C9: variants seen among roughly 807,000 people sequenced by gnomAD.
C9 encodes the protein complement C9.
A neutral mutation model predicts 65.4 loss-of-function variants in C9; 63 were observed. That is an observed-to-expected ratio of 0.96 (90% CI 0.79 to 1.19). The LOEUF (loss-of-function observed/expected upper bound fraction) is 1.19, where lower values mean the gene tolerates loss of function less well. C9 is among the 50% of genes most tolerant of loss of function. The pLI, the probability that C9 is intolerant of heterozygous loss-of-function variation, is 0.00. For missense variants in C9, 744 were observed against 670.1 expected, an observed-to-expected ratio of 1.11 and a Z score of -1.22; for synonymous variants, 229 against 227.9, an observed-to-expected ratio of 1.00 and a Z score of -0.04.
Position 39,311,342 on chromosome 5 carries a change from A to T in C9, c.906T>A (p.His302Gln), listed in dbSNP as rs1434119923. The change falls in exon 7 of 11, where the codon CAT becomes CAA. Residue 302 changes from histidine (H) to glutamine (Q), a missense_variant. Physicochemically the swap from His to Gln is conservative, Grantham distance 24. Coordinates refer to ENST00000263408, the MANE Select transcript of C9 (RefSeq NM_001737.5). ...KMFLHVKGEI[H>Q]LGRFVMRNRD... ...GATTTCTCATTACAAATCTTCCCAG[A>T]TGAATTTCTCCTTTCACATGCAGAA... is the stretch of plus-strand genomic sequence containing the variant. The T allele has an allele frequency of 6.2e-7, 1 of 1,612,768 alleles. No homozygotes were observed. Among genetic ancestry groups the T allele is most frequent in the Non-Finnish European group, 8.5e-7 (1 of 1,178,988 alleles).
At chr5:39,334,635 C>A (rs1341662483) in intron 4 of C9, among the ~76,000 whole-genome samples, 1 of 151,324 alleles carries the variant, frequency 6.6e-6, no homozygotes, top group African/African-American at 2.5e-5. Flanking sequence ...GCCTGGCCAC[C>A]CCTACTGGGA....
chr5:39,310,326 C>A (rs1753458158), intron 7 of C9, among the ~76,000 whole-genome samples: 1 of 152,090 alleles, frequency 6.6e-6, no homozygotes, highest in Non-Finnish European at 1.5e-5. Flanking sequence ...GTTACAAGGG[C>A]AGAGAGGAAG....
chr5:39,333,747 G>C (rs925595102), intron 4 of C9, among the ~76,000 whole-genome samples: 7 of 151,762 alleles, frequency 4.6e-5, no homozygotes, highest in African/African-American at 1.7e-4. Context: ...GAGTGCCTGC[G>C]ATTGCAGGCG....
intron 9 of C9, among the ~76,000 whole-genome samples, chr5:39,303,518 T>C (rs1753320533): frequency 6.7e-6 from 1 of 148,696 alleles, no homozygotes; most frequent in African/African-American, 2.4e-5. Flanking sequence ...TATTATTTTA[T>C]AGTATTTTAT....
At chr5:39,361,405 T>C (rs1011556178) in intron 1 of C9, among the ~76,000 whole-genome samples, 3 of 152,196 alleles carry the variant, frequency 2.0e-5, no homozygotes, top group Non-Finnish European at 4.4e-5. Context: ...CTTGTTTTAT[T>C]TTTGATCTTT....
intron 4 of C9, among the ~76,000 whole-genome samples, chr5:39,337,305 C>A (rs1042349350): frequency 2.6e-5 from 4 of 152,176 alleles, no homozygotes; most frequent in Admixed American, 2.6e-4. Flanking sequence ...TTTTATAGAT[C>A]ATCAAATTGG....
intron 2 of C9, 119 bp downstream of exon 2, chr5:39,341,972 C>G: frequency 1.3e-6 from 1 of 753,864 alleles, no homozygotes; most frequent in Non-Finnish European, 2.4e-6. Context: ...ATGTTTATCT[C>G]TCTTTCTGGG....
chr5:39,336,747 G>A lies in C9; in HGVS notation c.476+4399C>T, dbSNP rs536153674. On this transcript the variant is annotated intron_variant, in intron 4 of 10. Transcript: ENST00000263408. ...GAAGTTTTACTCACATAAATAAGTA[G>A]ATAAGAATAAAAGAAATTTTATTAT... 9.9e-5 allele frequency among the ~76,000 whole-genome samples: 15 copies of A among 152,116 alleles called. No individual in the cohort carries two copies. In the East Asian group the frequency reaches 2.5e-3, roughly 25 times the overall value.
chr5:39,316,067 A>C, intron 5 of C9, 38 bp from the exon 6 acceptor site: 1 of 1,564,738 alleles, frequency 6.4e-7, no homozygotes, highest in Non-Finnish European at 8.8e-7. Flanking sequence ...AAAACAAGAT[A>C]CGAAACAAAA....
At chr5:39,311,852 A>G (rs1029344691) in intron 6 of C9, among the ~76,000 whole-genome samples, 2 of 152,260 alleles carry the variant, frequency 1.3e-5, no homozygotes, top group African/African-American at 4.8e-5. Context: ...ATCAATAAAA[A>G]GGAAAATAAA....
Position 39,357,912 on chromosome 5 carries a change from G to T in C9, c.77+6476C>A, listed in dbSNP as rs546448481. ...TCTGCTGGTTTATCTAAAGATATTTGCTTGAAAGCCTTTCACCACTGTGTA... is the reference window on the plus strand; with the variant it reads ...TCTGCTGGTTTATCTAAAGATATTTTCTTGAAAGCCTTTCACCACTGTGTA... On this transcript the variant is annotated intron_variant, in intron 1 of 10. Coordinates refer to ENST00000263408, the MANE Select transcript of C9 (RefSeq NM_001737.5). Among the ~76,000 whole-genome samples the T allele has an allele frequency of 5.8e-4, 89 of 152,150 alleles. 1 individual carries two copies. Among genetic ancestry groups the T allele is most frequent in the Non-Finnish European group, 8.7e-4 (59 of 68,014 alleles).
intron 4 of C9, among the ~76,000 whole-genome samples, chr5:39,333,768 C>T (rs887065216): frequency 2.0e-5 from 3 of 151,988 alleles, no homozygotes; most frequent in South Asian, 2.1e-4. Context: ...CGCACCGCCA[C>T]GCCTGACTGG....
intron 9 of C9, among the ~76,000 whole-genome samples, chr5:39,302,873 A>G (rs2111868254): frequency 6.6e-6 from 1 of 152,282 alleles, no homozygotes; most frequent in Middle Eastern, 3.4e-3. Flanking sequence ...AGGTAGAAGA[A>G]CTCACCTGAT....
At chr5:39,292,866 G>A (rs1753120438) in intron 9 of C9, among the ~76,000 whole-genome samples, 1 of 89,930 alleles carries the variant, frequency 1.1e-5, no homozygotes, top group African/African-American at 3.0e-5. Context: ...ATATGTTATA[G>A]AGTAAAAAAT....
At chr5:39,311,460 A>T in intron 6 of C9, 83 bp from the exon 7 acceptor site, 1 of 1,353,152 alleles carries the variant, frequency 7.4e-7, no homozygotes, top group Non-Finnish European at 1.0e-6. Flanking sequence ...TAGAACTTCC[A>T]TAGGCACTAA....
chr5:39,325,726 T>G (rs1439920343), intron 5 of C9, among the ~76,000 whole-genome samples: 1 of 142,804 alleles, frequency 7.0e-6, no homozygotes, highest in Non-Finnish European at 1.5e-5. Context: ...GAGCTGAGAT[T>G]GCGCCACTGC....
intron 1 of C9, among the ~76,000 whole-genome samples, chr5:39,353,076 C>A (rs1431318823): frequency 6.6e-6 from 1 of 152,080 alleles, no homozygotes; most frequent in African/African-American, 2.4e-5. Context: ...AGGAGAAATT[C>A]AAAGCATGAA....
At chr5:39,302,654 A>T (rs1031228998) in intron 9 of C9, among the ~76,000 whole-genome samples, 4 of 152,172 alleles carry the variant, frequency 2.6e-5, no homozygotes, top group Non-Finnish European at 5.9e-5. Context: ...ACAGCTTAAC[A>T]TATAGACATA....
intron 6 of C9, among the ~76,000 whole-genome samples, chr5:39,315,349 T>G (rs538985084): frequency 1.5e-4 from 23 of 152,316 alleles, no homozygotes; most frequent in Non-Finnish European, 2.8e-4. Context: ...CAGACCAATT[T>G]TATGTGCATG....
Sources: gnomAD v4.1 joint callset for allele counts (sites outside exome capture counted in the v4.1 genomes callset) on GRCh38, gnomAD v4.1.1 for gene constraint, MANE v1.5 for transcripts, NCBI Gene and HGNC (gene_info 2026-07-23, HGNC 2026-07-21) for gene names.